The following RNF213 variants were observed in gnomAD, a reference collection of about 807,000 sequenced individuals.
RNF213 encodes the protein E3 ubiquitin-protein ligase RNF213.
RNF213 carries 341 observed loss-of-function variants against 514.4 expected under a neutral mutation model. That is an observed-to-expected ratio of 0.66 (90% CI 0.61 to 0.73). The LOEUF is 0.73. RNF213 is among the 30% of genes least tolerant of loss of function. The pLI is 0.00. For missense variants in RNF213, 5,767 were observed against 6,615.6 expected (o/e 0.87, Z 4.45); for synonymous variants, 2,655 against 2,658.2 (o/e 1.00, Z 0.04).
At chr17:80,354,682 CT>C in intron 36 of RNF213, 106 bp downstream of exon 36, 1 of 1,373,896 alleles carries the variant, frequency 7.3e-7, no homozygotes, top group East Asian at 2.4e-5. Context: ...TGAGCTGTTT[CT>C]TTCCAAACCT....
chr17:80,332,453 A>C lies in RNF213; in HGVS notation c.3965A>C (p.Lys1322Thr). ...TACACGGACCTGGATTCAGAACTTAAGATCATGTGCACCGTGGACCACCAG... is the reference window on the plus strand; with the variant it reads ...TACACGGACCTGGATTCAGAACTTACGATCATGTGCACCGTGGACCACCAG... ...NKYTDLDSEL[K>T]IMCTVDHQDQ... is the part of the protein sequence containing the mutation. The change falls in exon 21 of 68, where the codon AAG becomes ACG. Residue 1322 changes from lysine (K) to threonine (T), a missense_variant. Lys to Thr is a moderately conservative substitution (Grantham distance 78, BLOSUM62 -1). Transcript: ENST00000582970. 1 of 1,537,182 alleles carries C rather than the reference A, an allele frequency of 6.5e-7. No homozygotes were observed. The highest frequency in any genetic ancestry group is 8.7e-7 in the Non-Finnish European group (1 of 1,146,872).
intron 3 of RNF213, among the ~76,000 whole-genome samples, chr17:80,280,286 G>C (rs2044212985): frequency 6.6e-6 from 1 of 152,194 alleles, no homozygotes; most frequent in African/African-American, 2.4e-5. Context: ...GGAGAAGAAG[G>C]CTCGGGCTCA....
intron 11 of RNF213, among the ~76,000 whole-genome samples, chr17:80,303,327 A>G (rs113654628): frequency 8.5e-5 from 13 of 152,306 alleles, no homozygotes; most frequent in African/African-American, 3.1e-4. Flanking sequence ...TGCAGTGAGA[A>G]CAAGACAGTG....
At position 80,338,013 on chromosome 17, in the gene RNF213, T is replaced by C; in HGVS notation, c.4833+16T>C. ...GTTTTCAGAGGTGAGGGCGCATCTT[T>C]GCAGTGGCGCTAAGCTGGTGGTGTC... On this transcript the variant is annotated intron_variant, in intron 25 of 67. Transcript: ENST00000582970. 6.5e-7 allele frequency: 1 copy of C among 1,537,276 alleles called. No homozygotes were observed. The highest frequency in any genetic ancestry group is 8.7e-7 in the Non-Finnish European group (1 of 1,146,912).
At position 80,332,123 on chromosome 17, in the gene RNF213, A is replaced by T. The variant is rs2046432818; in HGVS notation, c.3635A>T (p.His1212Leu). ...SSNSQRATHY[H>L]LSSQVQEMAG... ...AACTCGCAGAGGGCAACGCATTACC[A>T]CCTGAGCTCCCAGGTCCAAGAAATG... The change falls in exon 21 of 68, where the codon CAC becomes CTC. Residue 1212 changes from histidine (H) to leucine (L), a missense_variant. His to Leu is a moderately conservative substitution (Grantham distance 99). This residue lies in a region of RNF213 where 516 missense variants were observed against 566.5 expected (regional missense o/e 0.91). Coordinates refer to ENST00000582970, the MANE Select transcript of RNF213 (RefSeq NM_001256071.3). 6.5e-7 allele frequency: 1 copy of T among 1,537,060 alleles called. No homozygotes were observed. The highest frequency in any genetic ancestry group is 1.2e-5 in the South Asian group (1 of 84,058).
In RNF213 at chr17:80,319,582, C is replaced by G. The variant is rs138341287; in HGVS notation, c.3024+270C>G. ...GGCCGTGCGCGTGTGGCACAAGTCA[C>G]ACGGGCTTGCAGGCCGTTCCTCAGA... On this transcript the variant is annotated intron_variant, in intron 17 of 67. Coordinates refer to ENST00000582970, the MANE Select transcript of RNF213 (RefSeq NM_001256071.3). 303 of 1,581,652 alleles carry G rather than the reference C, an allele frequency of 1.9e-4. 2 individuals carry two copies. In the African/African-American group the frequency reaches 3.9e-3, roughly 20 times the overall value.
intron 46 of RNF213, 67 bp from the exon 47 acceptor site, chr17:80,371,807 C>G (rs1237718974): frequency 1.2e-5 from 10 of 810,308 alleles, no homozygotes; most frequent in Non-Finnish European, 1.9e-5. Flanking sequence ...TAGATAGATG[C>G]TCTTTTTTTT....
At chr17:80,379,062 CATGCGTGT>C (rs1389691006) in intron 54 of RNF213, among the ~76,000 whole-genome samples, 4 of 150,500 alleles carry the variant, frequency 2.7e-5, no homozygotes, top group Non-Finnish European at 4.4e-5. Flanking sequence ...TGCATGCGTG[CATGCGTGT>C]GGTCCCAGCT....
chr17:80,367,301 G>A, intron 42 of RNF213, among the ~76,000 whole-genome samples: 1 of 152,198 alleles, frequency 6.6e-6, no homozygotes, highest in Middle Eastern at 3.2e-3. Context: ...GTAACTATAT[G>A]CATAATGTTT....
chr17:80,278,641 G>C, intron 3 of RNF213: 1 of 1,235,784 alleles, frequency 8.1e-7, no homozygotes, highest in South Asian at 1.4e-5. Context: ...CCCACATGTG[G>C]GTGTCCCTGC....
chr17:80,332,231 A>AG lies in RNF213; in HGVS notation c.3745dup (p.Glu1249GlyfsTer11). The AG allele has an allele frequency of 6.5e-7, 1 of 1,537,228 alleles. No homozygotes were observed. The highest frequency in any genetic ancestry group is 8.7e-7 in the Non-Finnish European group (1 of 1,146,914). ...GCCGCAGAGCCGCTGAGTGAGCCTA[A>AG]GGAGGACCAGGAAGCCGCAGAGTTG... is the stretch of plus-strand genomic sequence containing the variant. On this transcript the variant is annotated frameshift_variant, in exon 21 of 68. Coordinates refer to ENST00000582970, the MANE Select transcript of RNF213 (RefSeq NM_001256071.3). LOFTEE classifies it high-confidence loss of function.
At position 80,382,056 on chromosome 17, in the gene RNF213, G is replaced by A. The variant is rs374498737; in HGVS notation, c.13978+329G>A. The A allele has an allele frequency of 6.7e-4, 240 of 359,296 alleles. 2 individuals carry two copies. Among genetic ancestry groups the A allele is most frequent in the African/African-American group, 4.5e-3 (215 of 47,816 alleles). 22.3% of individuals were successfully genotyped at this position (359,296 alleles called of 1,614,324 possible). On this transcript the variant is annotated intron_variant, in intron 57 of 67. Transcript: ENST00000582970. Reference sequence around the variant, plus strand: ...TATATGGGGAGTCTTCAGTTCCGAAGTCAGCCCCGTAGGTCATTCCCCTAC... The same window carrying A: ...TATATGGGGAGTCTTCAGTTCCGAAATCAGCCCCGTAGGTCATTCCCCTAC...
intron 10 of RNF213, among the ~76,000 whole-genome samples, chr17:80,296,355 A>C (rs1023675962): frequency 1.3e-4 from 20 of 152,310 alleles, no homozygotes; most frequent in Admixed American, 2.6e-4. Flanking sequence ...GTGTGGTATC[A>C]TGAGCAGCCT....
At chr17:80,338,049 T>C (rs1461121156) in intron 25 of RNF213, 52 bp downstream of exon 25, 3 of 1,531,566 alleles carry the variant, frequency 2.0e-6, no homozygotes, top group Non-Finnish European at 2.6e-6. Flanking sequence ...ATCTCGTCCG[T>C]GAGGGCTGTG....
chr17:80,335,432 CGCT>C (rs2077961799), intron 22 of RNF213, among the ~76,000 whole-genome samples: 1 of 152,080 alleles, frequency 6.6e-6, no homozygotes, highest in South Asian at 2.1e-4. Context: ...TTGGGAGAGC[CGCT>C]GCTTTCAGTG....
intron 55 of RNF213, 80 bp downstream of exon 55, chr17:80,379,794 TACTC>T: frequency 8.7e-7 from 1 of 1,145,282 alleles, no homozygotes. Flanking sequence ...GATAAAGTGA[TACTC>T]AAGATAGTAC....
rs567396131 is a variant in RNF213 at position 80,345,048 on chromosome 17, G to T, written c.6713G>T (p.Ser2238Ile). ...DCEASLFCNPSFIGDTLRGFK... is the reference protein window; with the variant it reads ...DCEASLFCNPIFIGDTLRGFK... ...GAGGCCTCTCTCTTCTGCAATCCGA[G>T]TTTTATTGGCGACACACTGAGGGGC... Residue 2238 changes from serine (S) to isoleucine (I), a missense_variant, in exon 29 of 68, where the codon AGT (serine) becomes ATT (isoleucine). Ser to Ile is a moderately radical substitution (Grantham distance 142, BLOSUM62 -2). Coordinates refer to ENST00000582970, the MANE Select transcript of RNF213 (RefSeq NM_001256071.3). The surrounding 1 kb of genome is among the most constrained non-coding windows in gnomAD (Gnocchi z 6.0). 15 of 1,613,978 alleles carry T rather than the reference G, an allele frequency of 9.3e-6. No homozygotes were observed. Among genetic ancestry groups the T allele is most frequent in the Middle Eastern group, 1.6e-4 (1 of 6,084 alleles).
At chr17:80,386,557 G>A in intron 62 of RNF213, 127 bp downstream of exon 62, 1 of 1,398,392 alleles carries the variant, frequency 7.2e-7, no homozygotes, top group Non-Finnish European at 1.0e-6. Context: ...GCCCCCACCA[G>A]TGACCCGCCC....
Position 80,386,703 on chromosome 17 carries a change from G to T in RNF213, c.14734G>T (p.Ala4912Ser). 1 of 1,614,220 alleles carries T rather than the reference G, an allele frequency of 6.2e-7. No homozygotes were observed. The highest frequency in any genetic ancestry group is 8.5e-7 in the Non-Finnish European group (1 of 1,180,036). ...SKENNSYSVDAAEVTELHVIS... is the reference protein window; with the variant it reads ...SKENNSYSVDSAEVTELHVIS... ...TCTGCCCCTCAGCTATTCCGTGGAT[G>T]CCGCCGAGGTCACTGAACTGCATGT... The change falls in exon 63 of 68, where the codon GCC becomes TCC. Residue 4912 changes from alanine (A) to serine (S), a missense_variant. By Grantham distance (99) the Ala-to-Ser change is moderately conservative. Coordinates refer to ENST00000582970, the MANE Select transcript of RNF213 (RefSeq NM_001256071.3).
Sources: allele counts gnomAD v4.1 joint callset (sites outside exome capture counted in the v4.1 genomes callset), GRCh38; gene constraint gnomAD v4.1.1; regional missense constraint gnomAD v4.1.1; non-coding constraint Gnocchi (gnomAD v3.1); transcripts MANE v1.5; gene names NCBI Gene and HGNC (gene_info 2026-07-23, HGNC 2026-07-21).